Variants in EYA2 observed in about 807,000 individuals in gnomAD.
EYA2 encodes EYA transcriptional coactivator and phosphatase 2, also known as protein phosphatase EYA2.
Under a neutral mutation model 69.2 loss-of-function variants are expected in EYA2, and 31 were observed. That is an observed-to-expected ratio of 0.45 (90% CI 0.34 to 0.60). The LOEUF is 0.60. EYA2 is among the 20% of genes least tolerant of loss of function. The pLI, the probability that EYA2 is intolerant of heterozygous loss-of-function variation, is 0.02. For missense variants in EYA2, 622 were observed against 701.2 expected, an observed-to-expected ratio of 0.89 and a Z score of 1.28; for synonymous variants, 257 against 279.4, an observed-to-expected ratio of 0.92 and a Z score of 0.80.
At chr20:46,963,886 T>C (rs1265149979) in intron 1 of EYA2, among the ~76,000 whole-genome samples, 2 of 152,174 alleles carry the variant, frequency 1.3e-5, no homozygotes. Context: ...TTCAGCATGA[T>C]GGGAACACGG....
At chr20:46,976,468 CT>C (rs1418264928) in intron 1 of EYA2, among the ~76,000 whole-genome samples, 1 of 152,110 alleles carries the variant, frequency 6.6e-6, no homozygotes, top group African/African-American at 2.4e-5. Flanking sequence ...TCACTGCAAA[CT>C]CCGCCTCCCG....
intron 1 of EYA2, among the ~76,000 whole-genome samples, chr20:46,961,725 T>C (rs1979489317): frequency 6.6e-6 from 1 of 152,208 alleles, no homozygotes; most frequent in Non-Finnish European, 1.5e-5. Flanking sequence ...CTCAGCAACA[T>C]GAATGAGCTT....
chr20:47,156,127 CATATATATATAT>C (rs752111640), intron 10 of EYA2, among the ~76,000 whole-genome samples: 185 of 14,292 alleles, frequency 0.013, no homozygotes, highest in Non-Finnish European at 0.014. Context: ...CACACACACA[CATATATATATAT>C]ATATATATAT....
chr20:47,112,619 A>G (rs182415511), intron 9 of EYA2, among the ~76,000 whole-genome samples: 4 of 152,280 alleles, frequency 2.6e-5, no homozygotes, highest in Admixed American at 2.6e-4. Flanking sequence ...TGTAAAAGGA[A>G]GTATCAGCTG....
intron 3 of EYA2, among the ~76,000 whole-genome samples, chr20:47,003,624 T>G (rs114998427): frequency 0.012 from 1,884 of 152,286 alleles, 25 homozygotes; most frequent in African/African-American, 0.033. Context: ...AATTTCAAAT[T>G]AGGAAAAAAA....
At chr20:46,993,896 G>A (rs1203473602) in intron 2 of EYA2, among the ~76,000 whole-genome samples, 1 of 152,214 alleles carries the variant, frequency 6.6e-6, no homozygotes, top group Non-Finnish European at 1.5e-5. Context: ...GCACAGAGAA[G>A]ACAGCAAGTG....
In EYA2 at chr20:47,180,926, A is replaced by C; in HGVS notation, c.1425A>C (p.Ala475=). 1 of 1,614,004 alleles carries C rather than the reference A, an allele frequency of 6.2e-7. No individual in the cohort carries two copies. Among genetic ancestry groups the C allele is most frequent in the Non-Finnish European group, 8.5e-7 (1 of 1,179,968 alleles). Residue 475 remains alanine, a synonymous_variant, in exon 14 of 16, where the codon GCA becomes GCC. Coordinates refer to ENST00000327619, the MANE Select transcript of EYA2 (RefSeq NM_005244.5). ...SVFPIENIYS[A]TKTGKESCFE... ...TTCCTATTGAGAACATCTACAGTGCAACCAAGACAGGTAGGGAGAAGCCAC... is the reference window on the plus strand; with the variant it reads ...TTCCTATTGAGAACATCTACAGTGCCACCAAGACAGGTAGGGAGAAGCCAC...
chr20:47,024,497 T>G (rs1176878452), intron 5 of EYA2, among the ~76,000 whole-genome samples: 1 of 152,350 alleles, frequency 6.6e-6, no homozygotes, highest in East Asian at 1.9e-4. Flanking sequence ...GGTAGTTTCC[T>G]TACACCCATG....
At chr20:46,946,146 C>T (rs148151768) in intron 1 of EYA2, among the ~76,000 whole-genome samples, 33 of 152,288 alleles carry the variant, frequency 2.2e-4, no homozygotes, top group African/African-American at 7.9e-4. Context: ...CTTCTTCCTC[C>T]TCTGGACCTC....
intron 1 of EYA2, among the ~76,000 whole-genome samples, chr20:46,967,944 C>T (rs1979891897): frequency 6.6e-6 from 1 of 152,222 alleles, no homozygotes; most frequent in Non-Finnish European, 1.5e-5. Flanking sequence ...ATCTGGCTGA[C>T]CATGGGCTCT....
intron 1 of EYA2, among the ~76,000 whole-genome samples, chr20:46,962,019 C>T (rs6066137): frequency 0.18 from 27,655 of 152,098 alleles, 2,995 homozygotes; most frequent in Non-Finnish European, 0.25. Context: ...AGCAGATTTT[C>T]TTTCTTTCTT....
intron 7 of EYA2, among the ~76,000 whole-genome samples, chr20:47,086,257 A>G (rs1452060207): frequency 3.3e-5 from 5 of 152,178 alleles, no homozygotes; most frequent in African/African-American, 1.2e-4. Context: ...AGGCCAAGGC[A>G]GGCAGATCAC....
At chr20:47,006,910 T>C (rs1016525735) in intron 4 of EYA2, among the ~76,000 whole-genome samples, 2 of 152,154 alleles carry the variant, frequency 1.3e-5, no homozygotes, top group African/African-American at 4.8e-5. Context: ...AACTCTGGCC[T>C]AGAGATAGAA....
chr20:47,115,391 T>G (rs1329231456), intron 9 of EYA2, among the ~76,000 whole-genome samples: 3 of 152,164 alleles, frequency 2.0e-5, no homozygotes, highest in Non-Finnish European at 4.4e-5. Context: ...CTATTCTGAA[T>G]TCTTAGAATA....
At chr20:46,905,838 G>A (rs1162124772) in intron 1 of EYA2, among the ~76,000 whole-genome samples, 1 of 152,208 alleles carries the variant, frequency 6.6e-6, no homozygotes, top group East Asian at 1.9e-4. Flanking sequence ...TAAAATGACA[G>A]TGGAATACTT....
intron 1 of EYA2, among the ~76,000 whole-genome samples, chr20:46,929,689 A>G (rs534196011): frequency 6.6e-6 from 1 of 152,124 alleles, no homozygotes; most frequent in East Asian, 1.9e-4. Flanking sequence ...CAGCTCTCAC[A>G]CTCATCCATG....
chr20:46,904,374 T>A (rs1338629929), intron 1 of EYA2, among the ~76,000 whole-genome samples: 1 of 150,280 alleles, frequency 6.7e-6, no homozygotes, highest in South Asian at 2.1e-4. Context: ...AAGAACACAT[T>A]TTAAAACTGC....
intron 1 of EYA2, among the ~76,000 whole-genome samples, chr20:46,937,697 G>A (rs903329778): frequency 7.7e-5 from 11 of 143,690 alleles, no homozygotes; most frequent in African/African-American, 2.1e-4. Context: ...CTTTCAGGAC[G>A]TACTTCCAGC....
chr20:47,090,229 C>CTT (rs60732138), intron 8 of EYA2, among the ~76,000 whole-genome samples: 30,830 of 121,890 alleles, frequency 0.25, 5,157 homozygotes, highest in East Asian at 0.36. Context: ...ATGCTCCAAT[C>CTT]TTTTTTTTTT....
Sources: gnomAD v4.1 joint callset for allele counts (sites outside exome capture counted in the v4.1 genomes callset) on GRCh38, gnomAD v4.1.1 for gene constraint, MANE v1.5 for transcripts, NCBI Gene and HGNC (gene_info 2026-07-23, HGNC 2026-07-21) for gene names.